The following DLGAP2 variants were observed in gnomAD, a reference collection of about 807,000 sequenced individuals.
The protein encoded by DLGAP2 is disks large-associated protein 2.
In DLGAP2, 26 loss-of-function variants were observed where a neutral mutation model predicts 100.3. The ratio of observed to expected loss-of-function variants is 0.26; its 90% CI spans 0.19 to 0.36. The LOEUF is 0.36. DLGAP2 is among the 10% of genes least tolerant of loss of function. The pLI, the probability that DLGAP2 is intolerant of heterozygous loss-of-function variation, is 1.00. For synonymous variants in DLGAP2, 886 were observed against 630.1 expected (o/e 1.41, Z -6.08); for missense variants, 1,858 against 1,453.2 (o/e 1.28, Z -4.53).
chr8:887,065 G>A (rs1225309067), intron 1 of DLGAP2, among the ~76,000 whole-genome samples: 2 of 152,088 alleles, frequency 1.3e-5, no homozygotes, highest in African/African-American at 2.4e-5. Flanking sequence ...TATTGGGTGC[G>A]TATATATTCA....
rs534469014 is a variant in DLGAP2, at chr8:771,200, C to G, written c.18+33375C>G. 7.2e-5 allele frequency among the ~76,000 whole-genome samples: 11 copies of G among 152,296 alleles called. 1 individual carries two copies. The South Asian group carries it at 2.3e-3, about 32-fold the overall frequency. On this transcript the variant is annotated intron_variant, in intron 1 of 14. Coordinates refer to ENST00000637795, the MANE Select transcript of DLGAP2 (RefSeq NM_001346810.2). ...TCTAAACACTTAATCATGCATATTGCTACTTTCTGTCCACATCTACTTGCA... is the reference window on the plus strand; with the variant it reads ...TCTAAACACTTAATCATGCATATTGGTACTTTCTGTCCACATCTACTTGCA...
intron 1 of DLGAP2, among the ~76,000 whole-genome samples, chr8:903,136 G>A (rs1281678446): frequency 6.6e-6 from 1 of 151,968 alleles, no homozygotes; most frequent in African/African-American, 2.4e-5. Context: ...TTATCTTGTC[G>A]CCTCCATGCT....
intron 2 of DLGAP2, among the ~76,000 whole-genome samples, chr8:968,944 A>G (rs1799947262): frequency 6.6e-6 from 1 of 152,198 alleles, no homozygotes; most frequent in Non-Finnish European, 1.5e-5. Flanking sequence ...GTTTCACCTA[A>G]AGTCACAGTT....
At chr8:1,368,319 G>C (rs1042985809) in intron 3 of DLGAP2, among the ~76,000 whole-genome samples, 2 of 151,692 alleles carry the variant, frequency 1.3e-5, no homozygotes, top group Non-Finnish European at 2.9e-5. Flanking sequence ...GCATAGCTGT[G>C]TGTGTGCATG....
chr8:1,116,109 G>C (rs574598908), intron 2 of DLGAP2, among the ~76,000 whole-genome samples: 1 of 152,186 alleles, frequency 6.6e-6, no homozygotes, highest in Admixed American at 6.5e-5. Context: ...GGGTGTCTGT[G>C]GTTTTGGAGA....
chr8:1,514,327 C>T (rs1800285023), intron 4 of DLGAP2, among the ~76,000 whole-genome samples: 1 of 152,264 alleles, frequency 6.6e-6, no homozygotes, highest in African/African-American at 2.4e-5. Context: ...GGGTAACCCC[C>T]AACAGCCCAG....
At chr8:748,980 G>C (rs983898739) in intron 1 of DLGAP2, among the ~76,000 whole-genome samples, 2 of 152,182 alleles carry the variant, frequency 1.3e-5, no homozygotes, top group African/African-American at 4.8e-5. Flanking sequence ...GAGGTGAGCA[G>C]GCTACTTTTG....
intron 2 of DLGAP2, among the ~76,000 whole-genome samples, chr8:1,099,511 T>C (rs1033940533): frequency 1.3e-5 from 2 of 152,252 alleles, no homozygotes; most frequent in Admixed American, 1.3e-4. Context: ...TGGTCTGTGC[T>C]ACCACATCCT....
chr8:1,378,706 C>G lies in DLGAP2; in HGVS notation c.106+119823C>G, dbSNP rs72507642. Reference sequence around the variant, plus strand: ...TCCATCTTCCTCTGTGCTTTCATCACCCTCATTTTTGGAAAGTCACACGTT... The same window carrying G: ...TCCATCTTCCTCTGTGCTTTCATCAGCCTCATTTTTGGAAAGTCACACGTT... On this transcript the variant is annotated intron_variant, in intron 3 of 14. Transcript: ENST00000637795. 1.8e-3 allele frequency among the ~76,000 whole-genome samples: 277 copies of G among 152,376 alleles called. 4 individuals are homozygous for G. In the South Asian group the frequency reaches 0.028, roughly 15 times the overall value.
Position 1,668,498 on chromosome 8 carries a change from C to T in DLGAP2, c.1980C>T (p.Leu660=), listed in dbSNP as rs763129435. 2 of 1,594,378 alleles carry T rather than the reference C, an allele frequency of 1.3e-6. No homozygotes were observed. The highest frequency in any genetic ancestry group is 3.5e-5 in the Admixed American group (2 of 57,128). ...MSPWPQDSRG[L]YNSTDSLDSN... is the part of the protein sequence containing the mutation. ...CGTGGCCCCAGGACAGCCGCGGCCT[C>T]TACAACTCCACGGACAGCCTGGACA... Residue 660 remains leucine (L), a synonymous_variant, in exon 9 of 15, where the codon CTC becomes CTT. Transcript: ENST00000637795.
chr8:883,761 A>G (rs1473806526), intron 1 of DLGAP2, among the ~76,000 whole-genome samples: 3 of 152,024 alleles, frequency 2.0e-5, no homozygotes, highest in East Asian at 3.9e-4. Context: ...TGCTGCACCT[A>G]TTAACCCATC....
At chr8:933,317 C>T (rs1799000855) in intron 2 of DLGAP2, among the ~76,000 whole-genome samples, 2 of 152,118 alleles carry the variant, frequency 1.3e-5, no homozygotes, top group Non-Finnish European at 2.9e-5. Context: ...GGGGTGAGGG[C>T]AGAGTCTGCT....
chr8:1,208,896 A>ATAAATAAG (rs1798049604), intron 2 of DLGAP2, among the ~76,000 whole-genome samples: 1 of 151,172 alleles, frequency 6.6e-6, no homozygotes, highest in African/African-American at 2.4e-5. Context: ...AAATAAATAA[A>ATAAATAAG]TAAATAAATA....
chr8:1,695,808 C>T (rs1444029968), intron 13 of DLGAP2, among the ~76,000 whole-genome samples: 4 of 152,262 alleles, frequency 2.6e-5, no homozygotes, highest in African/African-American at 9.6e-5. Context: ...TGGCATCCCT[C>T]GACTGACTTC....
chr8:1,207,560 C>G (rs529689042), intron 2 of DLGAP2, among the ~76,000 whole-genome samples: 4 of 152,110 alleles, frequency 2.6e-5, no homozygotes, highest in Non-Finnish European at 5.9e-5. Flanking sequence ...GTATAATGAG[C>G]CTTTTCTTCT....
chr8:1,271,696 C>T lies in DLGAP2; in HGVS notation c.106+12813C>T, dbSNP rs959849224. 2.6e-5 allele frequency among the ~76,000 whole-genome samples: 4 copies of T among 152,288 alleles called. No homozygotes were observed. In the East Asian group the frequency reaches 5.8e-4, roughly 22 times the overall value. Reference sequence around the variant, plus strand: ...TAGAAACAGGGTAGAGTGGTGTCTGCCAGGGCTCAGGGGGAGGGGAAATGG... The same window carrying T: ...TAGAAACAGGGTAGAGTGGTGTCTGTCAGGGCTCAGGGGGAGGGGAAATGG... On this transcript the variant is annotated intron_variant, in intron 3 of 14. Transcript: ENST00000637795.
chr8:1,204,335 T>C (rs1797945499), intron 2 of DLGAP2, among the ~76,000 whole-genome samples: 1 of 152,134 alleles, frequency 6.6e-6, no homozygotes, highest in Non-Finnish European at 1.5e-5. Flanking sequence ...TTACAGGCCA[T>C]GGTGTGGAAG....
intron 3 of DLGAP2, among the ~76,000 whole-genome samples, chr8:1,366,531 C>T (rs1016311879): frequency 1.6e-4 from 24 of 152,108 alleles, no homozygotes; most frequent in Admixed American, 3.9e-4. Flanking sequence ...GGATGTTCAG[C>T]GGCTGACCTG....
At chr8:974,467 G>A (rs1014006524) in intron 2 of DLGAP2, among the ~76,000 whole-genome samples, 3 of 152,100 alleles carry the variant, frequency 2.0e-5, no homozygotes, top group African/African-American at 7.2e-5. Flanking sequence ...AGCTTATATG[G>A]AATATTCATC....
Sources: allele counts gnomAD v4.1 joint callset (sites outside exome capture counted in the v4.1 genomes callset), GRCh38; gene constraint gnomAD v4.1.1; transcripts MANE v1.5; gene names NCBI Gene and HGNC (gene_info 2026-07-23, HGNC 2026-07-21).